USHBP1: variants seen among roughly 807,000 people sequenced by gnomAD.
USHBP1 encodes USH1 protein network component harmonin binding protein 1, also known as harmonin-binding protein USHBP1.
Under a neutral mutation model 76.2 loss-of-function variants are expected in USHBP1, and 67 were observed. That is an observed-to-expected ratio of 0.88 (90% confidence interval 0.72 to 1.08). The LOEUF is 1.08. USHBP1 is among the 50% of genes least tolerant of loss of function. The pLI, the probability that USHBP1 is intolerant of heterozygous loss-of-function variation, is 0.00. For missense variants in USHBP1, 931 were observed against 915.0 expected, an observed-to-expected ratio of 1.02 and a Z score of -0.23; for synonymous variants, 322 against 362.2, an observed-to-expected ratio of 0.89 and a Z score of 1.26.
At position 17,255,564 on chromosome 19, in the gene USHBP1, G is replaced by A. The variant is rs148585131; in HGVS notation, c.1513C>T (p.Arg505Cys). The A allele has an allele frequency of 5.5e-5, 88 of 1,612,760 alleles. No individual in the cohort carries two copies. The highest frequency in any genetic ancestry group is 3.3e-4 in the Middle Eastern group (2 of 6,036). ...CGCAGCTCTAGGCCCCGCTTCTCAC[G>A]CCGCACCAGCTGCAGCCGAAGCATC... Reference protein sequence around the residue: ...DLMLRLQLVRREKRGLELREA... With the variant: ...DLMLRLQLVRCEKRGLELREA... Residue 505 changes from arginine (R) to cysteine (C), a missense_variant, in exon 10 of 13, where the codon CGT (arginine) becomes TGT (cysteine). Transcript: ENST00000252597.
In USHBP1 at chr19:17,259,393, T is replaced by C. The variant is rs16981707; in HGVS notation, c.942A>G (p.Leu314=). Residue 314 remains leucine (L), a synonymous_variant, in exon 7 of 13, where the codon CTA becomes CTG. Coordinates refer to ENST00000252597, the MANE Select transcript of USHBP1 (RefSeq NM_031941.4). ...CCTTGTATCCCTGTAGCACAGCTGA[T>C]AGCAGACGATTAAAGCATTTGAGCT... ...IEKLKCFNRL[L]SAVLQGYKGR... is the part of the protein sequence containing the mutation. The C allele has an allele frequency of 3.4e-3, 5,513 of 1,614,162 alleles. 137 individuals are homozygous for C. In the African/African-American group the frequency reaches 0.058, roughly 17 times the overall value.
At chr19:17,253,416 G>A (rs939447868) in intron 10 of USHBP1, among the ~76,000 whole-genome samples, 11 of 150,480 alleles carry the variant, frequency 7.3e-5, no homozygotes, top group African/African-American at 1.9e-4. Context: ...AGCCTCTGGA[G>A]TAGCTGGGAT....
chr19:17,263,232 T>G (rs2073713227), intron 3 of USHBP1: 1 of 356,694 alleles, frequency 2.8e-6, no homozygotes, highest in South Asian at 8.5e-5. Context: ...GAGACAGGGT[T>G]TCACCATGTT....
rs1291602033 is a variant in USHBP1, at chr19:17,249,613, TA to T, written c.*611del. 1 of 153,082 alleles carries T rather than the reference TA, an allele frequency of 6.5e-6. No individual in the cohort carries two copies. The highest frequency in any genetic ancestry group is 1.5e-5 in the Non-Finnish European group (1 of 68,808). The allele number at this position is 153,082 out of a possible 1,614,324, so 9.5% of individuals were successfully genotyped here. The stretch of plus-strand genomic sequence containing the variant: ...AAGTTACCCTCCCACTTTAGCCTCC[TA>T]AATATCTTTATAGGCACATGCCACC... On this transcript the variant is annotated 3_prime_UTR_variant, in exon 13 of 13. Transcript: ENST00000252597.
Position 17,262,872 on chromosome 19 carries a change from T to A in USHBP1, c.322A>T (p.Thr108Ser), listed in dbSNP as rs937462790. Residue 108 changes from threonine to serine, a missense_variant, in exon 4 of 13, where the codon ACT becomes TCT. By Grantham distance (58) the Thr-to-Ser change is moderately conservative. Transcript: ENST00000252597. ...GGGGCCCCATTCCCAGGGGGCACAGTCTCCTTGTACTGTAGGGCTGCTTCT... is the reference window on the plus strand; with the variant it reads ...GGGGCCCCATTCCCAGGGGGCACAGACTCCTTGTACTGTAGGGCTGCTTCT... ...APEAALQYKE[T>S]VPPGNGAPDV... The A allele has an allele frequency of 1.4e-5, 22 of 1,612,418 alleles. No homozygotes were observed. Among genetic ancestry groups the A allele is most frequent in the Non-Finnish European group, 1.8e-5 (21 of 1,178,884 alleles).
Position 17,256,745 on chromosome 19 carries a change from A to G in USHBP1, c.1221-25T>C, listed in dbSNP as rs556300979. The G allele has an allele frequency of 1.0e-4, 165 of 1,613,702 alleles. 1 individual carries two copies. The highest frequency in any genetic ancestry group is 7.1e-4 in the South Asian group (65 of 91,044). On this transcript the variant is annotated intron_variant, in intron 8 of 12. Coordinates refer to ENST00000252597, the MANE Select transcript of USHBP1 (RefSeq NM_031941.4). ...GCTATAGAAAACAGAAAAGGTGCCT[A>G]TGTCAACACTGGCAGGCATAGGTGG...
chr19:17,264,664 T>C lies in USHBP1; in HGVS notation c.-49+7A>G. 1 of 286,244 alleles carries C rather than the reference T, an allele frequency of 3.5e-6. No individual in the cohort carries two copies. The highest frequency in any genetic ancestry group is 4.2e-5 in the South Asian group (1 of 23,646). The allele number at this position is 286,244 out of a possible 1,614,324, so 17.7% of individuals were successfully genotyped here. On this transcript the variant is annotated splice_region_variant and intron_variant, in intron 1 of 12. Transcript: ENST00000252597. ...CCCTCCTAAATGAGAGGTTCAGCTC[T>C]CTCTACCTCTCTGATCCTCTGGGGG...
At chr19:17,251,778 G>A in intron 11 of USHBP1, 74 bp from the exon 12 acceptor site, 1 of 1,600,078 alleles carries the variant, frequency 6.2e-7, no homozygotes, top group South Asian at 1.1e-5. Context: ...CTACCCACCT[G>A]CCCACAGTAT....
Position 17,262,614 on chromosome 19 carries a change from G to C in USHBP1, c.580C>G (p.Leu194Val). The change falls in exon 4 of 13, where the codon CTG becomes GTG. Residue 194 changes from leucine to valine, a missense_variant. Coordinates refer to ENST00000252597, the MANE Select transcript of USHBP1 (RefSeq NM_031941.4). ...RLALSSREDE[L>V]VRTQASLEAI... ...TCCAGGGAGGCCTGCGTGCGGACCA[G>C]CTCATCCTCTCGGCTACTCAGGGCC... 1 of 1,613,864 alleles carries C rather than the reference G, an allele frequency of 6.2e-7. No individual in the cohort carries two copies. The highest frequency in any genetic ancestry group is 8.5e-7 in the Non-Finnish European group (1 of 1,180,024).
At chr19:17,262,194 G>A (rs2145594634) in intron 4 of USHBP1, among the ~76,000 whole-genome samples, 1 of 151,830 alleles carries the variant, frequency 6.6e-6, no homozygotes. Flanking sequence ...TAGTAGAGAT[G>A]GGGTTTGACC....
Position 17,262,757 on chromosome 19 carries a change from G to C in USHBP1, c.437C>G (p.Pro146Arg). ...TTCGCTTGTGCCTTCGAACTCCATC[G>C]GCCCAGAATGGCTGGGGGGCTGGTG... ...WRHQPPSHSG[P>R]MEFEGTSEGG... The change falls in exon 4 of 13, where the codon CCG becomes CGG. Residue 146 changes from proline to arginine, a missense_variant. Pro to Arg is a moderately radical substitution (Grantham distance 103). Transcript: ENST00000252597. 1.2e-6 allele frequency: 2 copies of C among 1,614,196 alleles called. No individual in the cohort carries two copies. Among genetic ancestry groups the C allele is most frequent in the East Asian group, 2.2e-5 (1 of 44,886 alleles).
chr19:17,260,603 T>C (rs940502227), intron 4 of USHBP1, among the ~76,000 whole-genome samples: 9 of 152,138 alleles, frequency 5.9e-5, no homozygotes, highest in African/African-American at 2.2e-4. Flanking sequence ...GTGCTGGGAT[T>C]ACAGGCATGA....
chr19:17,254,940 C>G (rs951877381), intron 10 of USHBP1, among the ~76,000 whole-genome samples: 1 of 151,956 alleles, frequency 6.6e-6, no homozygotes, highest in Non-Finnish European at 1.5e-5. Context: ...CTGGCAGGGA[C>G]ACAGAATATA....
chr19:17,262,933 C>A lies in USHBP1; in HGVS notation c.261G>T (p.Val87=). The A allele has an allele frequency of 2.6e-6, 4 of 1,551,022 alleles. No individual in the cohort carries two copies. The change falls in exon 4 of 13, where the codon GTG becomes GTT. Residue 87 remains valine (V), a synonymous_variant. Coordinates refer to ENST00000252597, the MANE Select transcript of USHBP1 (RefSeq NM_031941.4). ...SGRELASAPE[V]PHKPAVEAHQ... ...GGGCTTCCACTGCAGGTTTGTGGGG[C>A]ACTTCGGGGGCTGAGGCCAGTTCCC...
rs2073722396 is a variant in USHBP1 at position 17,264,024 on chromosome 19, T to C, written c.181A>G (p.Ser61Gly). ...TACCTGCTTCCTAGGCCTTGGCCAC[T>C]GACCTCCTCCATGGGGCCCAGCTGC... ...LEQLGPMEEVSGQGLGSRTDK... is the reference protein window; with the variant it reads ...LEQLGPMEEVGGQGLGSRTDK... Residue 61 changes from serine to glycine, a missense_variant, in exon 3 of 13, where the codon AGT becomes GGT. Ser to Gly is a moderately conservative substitution (Grantham distance 56). Transcript: ENST00000252597. The C allele has an allele frequency of 1.2e-6, 2 of 1,604,038 alleles. No homozygotes were observed. Among genetic ancestry groups the C allele is most frequent in the Non-Finnish European group, 1.7e-6 (2 of 1,174,822 alleles).
At chr19:17,261,536 G>A (rs1235990654) in intron 4 of USHBP1, among the ~76,000 whole-genome samples, 8 of 151,038 alleles carry the variant, frequency 5.3e-5, no homozygotes, top group African/African-American at 7.3e-5. Flanking sequence ...GGTTTTCACC[G>A]TGTTAGCCAG....
chr19:17,262,870 A>G lies in USHBP1; in HGVS notation c.324T>C (p.Thr108=). The G allele has an allele frequency of 6.2e-7, 1 of 1,612,710 alleles. No individual in the cohort carries two copies. ...CGGGGGCCCCATTCCCAGGGGGCAC[A>G]GTCTCCTTGTACTGTAGGGCTGCTT... ...APEAALQYKE[T]VPPGNGAPDV... Residue 108 remains threonine, a synonymous_variant, in exon 4 of 13, where the codon ACT becomes ACC. Transcript: ENST00000252597.
intron 4 of USHBP1, among the ~76,000 whole-genome samples, chr19:17,260,462 TG>T (rs1238400899): frequency 6.6e-6 from 1 of 152,206 alleles, no homozygotes; most frequent in African/African-American, 2.4e-5. Flanking sequence ...CCCGAGTAGC[TG>T]GGATTACAGG....
At chr19:17,258,426 C>T (rs375796761) in intron 7 of USHBP1, 41 bp from the exon 8 acceptor site, 22 of 1,587,764 alleles carry the variant, frequency 1.4e-5, no homozygotes, top group South Asian at 3.4e-5. Context: ...ACACTCAGCT[C>T]GGCTGGGTGC....
Sources: gnomAD v4.1 joint callset for allele counts (sites outside exome capture counted in the v4.1 genomes callset) on GRCh38, gnomAD v4.1.1 for gene constraint, MANE v1.5 for transcripts, NCBI Gene and HGNC (gene_info 2026-07-23, HGNC 2026-07-21) for gene names.